The following MCTP1 variants were observed in gnomAD, a reference collection of about 807,000 sequenced individuals.
MCTP1 encodes the protein multiple C2 and transmembrane domain containing 1, also known as multiple C2 and transmembrane domain-containing protein 1.
Under a neutral mutation model 120.6 loss-of-function variants are expected in MCTP1, and 69 were observed. The ratio of observed to expected loss-of-function variants is 0.57; its 90% CI spans 0.47 to 0.70. The LOEUF (loss-of-function observed/expected upper bound fraction) is 0.70, where lower values mean the gene tolerates loss of function less well. Among genes scored for constraint, MCTP1 ranks in the 30% least tolerant of loss-of-function variants. MCTP1 has a pLI of 0.00. For missense variants in MCTP1, 1,203 were observed against 1,248.8 expected, an observed-to-expected ratio of 0.96 and a Z score of 0.55; for synonymous variants, 529 against 493.1, an observed-to-expected ratio of 1.07 and a Z score of -0.96.
intron 19 of MCTP1, among the ~76,000 whole-genome samples, chr5:94,773,505 T>C (rs1007248159): frequency 2.6e-5 from 4 of 152,210 alleles, no homozygotes; most frequent in African/African-American, 9.6e-5. Context: ...AGATATATCA[T>C]GATAGTCTCC....
intron 18 of MCTP1, among the ~76,000 whole-genome samples, chr5:94,795,943 TGGGGAAAAAGGTATA>T (rs1289731099): frequency 6.6e-6 from 1 of 152,094 alleles, no homozygotes. Flanking sequence ...GGCACCATGG[TGGGGAAAAAGGTATA>T]GGGGTTCAAT....
intron 2 of MCTP1, chr5:94,979,282 T>C (rs565854922): frequency 1.3e-5 from 2 of 152,134 alleles, no homozygotes; most frequent in Admixed American, 6.6e-5. Flanking sequence ...CCATTGTATG[T>C]TGGATGTGTA....
At chr5:94,934,940 G>C (rs1815804432) in intron 5 of MCTP1, among the ~76,000 whole-genome samples, 2 of 151,944 alleles carry the variant, frequency 1.3e-5, no homozygotes, top group South Asian at 4.2e-4. Flanking sequence ...AAAAGAGCCA[G>C]AAAGAACTCA....
At chr5:94,949,687 G>A (rs1191866395) in intron 3 of MCTP1, among the ~76,000 whole-genome samples, 1 of 151,842 alleles carries the variant, frequency 6.6e-6, no homozygotes, top group African/African-American at 2.4e-5. Flanking sequence ...AGATTACAGG[G>A]TACTGATGGA....
At chr5:94,937,740 G>A (rs184893041) in intron 5 of MCTP1, among the ~76,000 whole-genome samples, 2 of 152,052 alleles carry the variant, frequency 1.3e-5, no homozygotes, top group East Asian at 3.9e-4. Context: ...ATAGTAACTT[G>A]CTCCCTCAAA....
At chr5:94,902,932 T>C (rs183447818) in intron 10 of MCTP1, among the ~76,000 whole-genome samples, 1 of 152,332 alleles carries the variant, frequency 6.6e-6, no homozygotes, top group Non-Finnish European at 1.5e-5. Context: ...CTTTGAGAAC[T>C]TTGCCAATTA....
chr5:95,137,882 T>C (rs1759564151), intron 1 of MCTP1, among the ~76,000 whole-genome samples: 1 of 152,154 alleles, frequency 6.6e-6, no homozygotes, highest in African/African-American at 2.4e-5. Flanking sequence ...AACTTGATGA[T>C]TTGCAAGCAA....
intron 3 of MCTP1, among the ~76,000 whole-genome samples, chr5:94,948,889 G>A (rs1014417591): frequency 7.9e-5 from 12 of 151,952 alleles, no homozygotes; most frequent in East Asian, 3.8e-4. Context: ...ATAAGCTACC[G>A]AGAAATAATT....
intron 1 of MCTP1, among the ~76,000 whole-genome samples, chr5:95,266,687 G>A (rs183437485): frequency 3.9e-5 from 6 of 152,322 alleles, no homozygotes; most frequent in African/African-American, 1.4e-4. Flanking sequence ...AGTCCAGATG[G>A]CAGTAATGGT....
intron 1 of MCTP1, among the ~76,000 whole-genome samples, chr5:95,143,222 T>G (rs904094875): frequency 6.6e-6 from 1 of 152,138 alleles, no homozygotes; most frequent in African/African-American, 2.4e-5. Context: ...AAATTATTCA[T>G]GGGAAACAGG....
At chr5:95,211,355 T>C (rs1229642397) in intron 1 of MCTP1, among the ~76,000 whole-genome samples, 1 of 152,222 alleles carries the variant, frequency 6.6e-6, no homozygotes, top group African/African-American at 2.4e-5. Context: ...CCCATAATTC[T>C]TGGAGGCTTT....
intron 1 of MCTP1, among the ~76,000 whole-genome samples, chr5:95,270,325 C>T (rs1460001154): frequency 6.6e-6 from 1 of 152,180 alleles, no homozygotes; most frequent in Non-Finnish European, 1.5e-5. Context: ...GTCAGTTAAT[C>T]TCCTGTGGTT....
rs185126401 is a variant in MCTP1, at chr5:94,881,368, A to T, written c.1933+7511T>A. 2.2e-4 allele frequency among the ~76,000 whole-genome samples: 33 copies of T among 152,186 alleles called. No individual in the cohort carries two copies. The East Asian group carries it at 4.1e-3, about 19-fold the overall frequency. On this transcript the variant is annotated intron_variant, in intron 12 of 22. Coordinates refer to ENST00000515393, the MANE Select transcript of MCTP1 (RefSeq NM_024717.7). ...GATTCTGTGATTTAGTTAATATTTT[A>T]TTATAAATCCCCTTCTGATTAAATT...
intron 17 of MCTP1, among the ~76,000 whole-genome samples, chr5:94,841,013 C>T (rs1041350396): frequency 6.6e-6 from 1 of 152,140 alleles, no homozygotes; most frequent in African/African-American, 2.4e-5. Flanking sequence ...AAATACTTGG[C>T]ACAGAGTAAG....
intron 1 of MCTP1, among the ~76,000 whole-genome samples, chr5:95,106,900 G>A (rs1757124989): frequency 1.3e-5 from 2 of 152,140 alleles, no homozygotes; most frequent in Admixed American, 6.5e-5. Context: ...ACATAAAACT[G>A]GCAGTATATT....
At chr5:94,950,946 C>CAAAAA (rs1186726298) in intron 3 of MCTP1, among the ~76,000 whole-genome samples, 4 of 107,440 alleles carry the variant, frequency 3.7e-5, no homozygotes, top group African/African-American at 3.6e-5. Flanking sequence ...GACTCTGTCT[C>CAAAAA]AAAAAAAAAA....
chr5:95,051,495 CCTTCAATTACCAAGA>C (rs1745889709), intron 1 of MCTP1, among the ~76,000 whole-genome samples: 1 of 152,158 alleles, frequency 6.6e-6, no homozygotes, highest in African/African-American at 2.4e-5. Flanking sequence ...TGCTGGCATT[CCTTCAATTACCAAGA>C]CTTCCTCCTT....
At chr5:95,213,566 A>T (rs1368294466) in intron 1 of MCTP1, among the ~76,000 whole-genome samples, 1 of 151,990 alleles carries the variant, frequency 6.6e-6, no homozygotes, top group Non-Finnish European at 1.5e-5. Flanking sequence ...GTCAATCCTA[A>T]GCCAAAAGAA....
At chr5:94,871,253 T>C (rs1377241316) in intron 14 of MCTP1, 62 bp downstream of exon 14, 5 of 271,116 alleles carry the variant, frequency 1.8e-5, no homozygotes, top group African/African-American at 4.7e-5. Flanking sequence ...TTTTCTTTTC[T>C]TTTTTTTTTT....
Sources: allele counts gnomAD v4.1 joint callset (sites outside exome capture counted in the v4.1 genomes callset), GRCh38; gene constraint gnomAD v4.1.1; transcripts MANE v1.5; gene names NCBI Gene and HGNC (gene_info 2026-07-23, HGNC 2026-07-21).